ZCCHC14: variants seen among roughly 807,000 people sequenced by gnomAD.
The protein encoded by ZCCHC14 is zinc finger CCHC domain-containing protein 14.
Under a neutral mutation model 85.0 loss-of-function variants are expected in ZCCHC14, and 16 were observed. The observed-to-expected ratio is 0.19, with a 90% CI of 0.13 to 0.29. ZCCHC14 has a LOEUF of 0.29. Ranked by LOEUF, ZCCHC14 falls within the 10% of genes least tolerant of loss-of-function variation. ZCCHC14 has a pLI of 1.00. For missense variants in ZCCHC14, 1,303 were observed against 1,443.5 expected, an observed-to-expected ratio of 0.90 and a Z score of 1.58; for synonymous variants, 775 against 630.7, an observed-to-expected ratio of 1.23 and a Z score of -3.43.
intron 1 of ZCCHC14, among the ~76,000 whole-genome samples, chr16:87,477,346 G>C (rs1295523258): frequency 1.3e-5 from 2 of 152,210 alleles, no homozygotes; most frequent in Non-Finnish European, 2.9e-5. Context: ...CGAAGGCAGG[G>C]AGAGGAGCTT....
intron 1 of ZCCHC14, among the ~76,000 whole-genome samples, chr16:87,477,698 G>A (rs1304751284): frequency 1.3e-5 from 2 of 152,158 alleles, no homozygotes; most frequent in African/African-American, 2.4e-5. Context: ...CTGTTATGAG[G>A]ATTAAATGAA....
intron 1 of ZCCHC14, chr16:87,470,972 A>G (rs978067856): frequency 1.3e-5 from 2 of 152,206 alleles, no homozygotes; most frequent in African/African-American, 4.8e-5. Flanking sequence ...ATACCTCCCT[A>G]CAAGATGTGA....
At chr16:87,470,658 C>T (rs1259017785) in intron 1 of ZCCHC14, 2 of 152,160 alleles carry the variant, frequency 1.3e-5, no homozygotes, top group African/African-American at 4.8e-5. Flanking sequence ...GAAAAACAAA[C>T]AACATAAACA....
intron 3 of ZCCHC14, among the ~76,000 whole-genome samples, chr16:87,429,471 C>T (rs1239120872): frequency 6.6e-6 from 1 of 152,164 alleles, no homozygotes; most frequent in African/African-American, 2.4e-5. Context: ...GCCACTACAC[C>T]TGGCAGAACT....
chr16:87,435,936 T>C (rs748011878), intron 2 of ZCCHC14, among the ~76,000 whole-genome samples: 2 of 152,226 alleles, frequency 1.3e-5, no homozygotes, highest in Non-Finnish European at 2.9e-5. Flanking sequence ...AGCAAATACA[T>C]AGCTTTTATG....
intron 1 of ZCCHC14, among the ~76,000 whole-genome samples, chr16:87,489,341 A>T (rs1912648536): frequency 6.6e-6 from 1 of 152,234 alleles, no homozygotes; most frequent in Non-Finnish European, 1.5e-5. Flanking sequence ...GAAACAAAAA[A>T]ATTGTCAGCT....
chr16:87,477,139 A>AC (rs1912049939), intron 1 of ZCCHC14, among the ~76,000 whole-genome samples: 1 of 101,634 alleles, frequency 9.8e-6, no homozygotes, highest in African/African-American at 4.3e-5. Flanking sequence ...AAAAAAAAAA[A>AC]AACAAAACAA....
In ZCCHC14 at chr16:87,491,295, GA is replaced by G. The variant is rs1912749661; in HGVS notation, c.570+373del. Among the ~76,000 whole-genome samples, 2 of 152,362 alleles carry G rather than the reference GA, an allele frequency of 1.3e-5. No individual in the cohort carries two copies. The highest frequency in any genetic ancestry group is 4.8e-5 in the African/African-American group (2 of 41,586). ...AGGTGTGGAGGCTTTGGGGCACGCA[GA>G]GGGGACTGAGGGTGTGGGCTCAGGG... On this transcript the variant is annotated intron_variant, in intron 1 of 12. Transcript: ENST00000671377. The surrounding 1 kb of genome is among the most constrained non-coding windows in gnomAD (Gnocchi z 5.9).
chr16:87,456,176 G>A (rs1027052353), intron 2 of ZCCHC14, among the ~76,000 whole-genome samples: 10 of 152,202 alleles, frequency 6.6e-5, no homozygotes, highest in African/African-American at 2.2e-4. Flanking sequence ...TCTCGATTTC[G>A]GCTACACACT....
At chr16:87,455,225 T>C (rs1040853471) in intron 2 of ZCCHC14, among the ~76,000 whole-genome samples, 1 of 151,016 alleles carries the variant, frequency 6.6e-6, no homozygotes. Flanking sequence ...GAGGTGGAGG[T>C]TGTGGTGAAC....
rs779987762 is a variant in ZCCHC14 at position 87,411,865 on chromosome 16, G to A, written c.2856C>T (p.Ser952=). The change falls in exon 12 of 13, where the codon TCC becomes TCT. Residue 952 remains serine, a synonymous_variant. Coordinates refer to ENST00000671377, the MANE Select transcript of ZCCHC14 (RefSeq NM_015144.3). ...AGGGGAAGGTGAACACGGACGGACC[G>A]GAGAACGGGTGCTGGAAGTAGTTGG... ...SYANYFQHPF[S]GPSVFTFPFL... is the part of the protein sequence containing the mutation. 1.9e-5 allele frequency: 30 copies of A among 1,605,640 alleles called. No individual in the cohort carries two copies. Among genetic ancestry groups the A allele is most frequent in the East Asian group, 4.5e-5 (2 of 44,564 alleles).
intron 1 of ZCCHC14, chr16:87,471,658 G>C (rs1050852210): frequency 6.6e-6 from 1 of 152,284 alleles, no homozygotes; most frequent in African/African-American, 2.4e-5. Flanking sequence ...TGGGACCTCT[G>C]GGGTAGGGCT....
At chr16:87,432,328 G>C (rs1484880754) in intron 3 of ZCCHC14, among the ~76,000 whole-genome samples, 1 of 152,198 alleles carries the variant, frequency 6.6e-6, no homozygotes. Flanking sequence ...GTGGGACCAA[G>C]AAATTAAATC....
intron 1 of ZCCHC14, chr16:87,467,555 C>T: frequency 6.4e-7 from 1 of 1,570,408 alleles, no homozygotes; most frequent in Non-Finnish European, 8.8e-7. Context: ...TTAATGTCAT[C>T]CCACCAATTC....
At chr16:87,456,262 G>A (rs1421991442) in intron 2 of ZCCHC14, among the ~76,000 whole-genome samples, 1 of 152,138 alleles carries the variant, frequency 6.6e-6, no homozygotes, top group Non-Finnish European at 1.5e-5. Context: ...TGGGCGCAGT[G>A]GCTCACGCCT....
chr16:87,460,508 G>A (rs1488029118), intron 1 of ZCCHC14, among the ~76,000 whole-genome samples: 1 of 152,120 alleles, frequency 6.6e-6, no homozygotes, highest in Non-Finnish European at 1.5e-5. Flanking sequence ...TGGCCAACAT[G>A]GTGAAACCCC....
intron 3 of ZCCHC14, among the ~76,000 whole-genome samples, chr16:87,427,646 TTTC>T (rs1313683948): frequency 1.3e-5 from 2 of 152,184 alleles, no homozygotes; most frequent in African/African-American, 4.8e-5. Flanking sequence ...TATCATTTTT[TTTC>T]TTTTTTGAGA....
At chr16:87,432,043 T>C (rs1909689780) in intron 3 of ZCCHC14, among the ~76,000 whole-genome samples, 1 of 152,198 alleles carries the variant, frequency 6.6e-6, no homozygotes, top group Admixed American at 6.5e-5. Flanking sequence ...TGGAGACTTG[T>C]CCCTTTAGTG....
intron 1 of ZCCHC14, among the ~76,000 whole-genome samples, chr16:87,477,376 C>A (rs1912068637): frequency 6.6e-6 from 1 of 152,178 alleles, no homozygotes; most frequent in South Asian, 2.1e-4. Flanking sequence ...GACCATGGAT[C>A]CCGCCCAGGG....
Sources: gnomAD v4.1 joint callset for allele counts (sites outside exome capture counted in the v4.1 genomes callset) on GRCh38, gnomAD v4.1.1 for gene constraint, Gnocchi (gnomAD v3.1) non-coding constraint, MANE v1.5 for transcripts, NCBI Gene and HGNC (gene_info 2026-07-23, HGNC 2026-07-21) for gene names.